The following UGT1A10 variants were observed in gnomAD, a reference collection of about 807,000 sequenced individuals.
The protein encoded by UGT1A10 is UDP-glucuronosyltransferase 1A10.
Under a neutral mutation model 45.8 loss-of-function variants are expected in UGT1A10, and 49 were observed. That is an observed-to-expected ratio of 1.07 (90% CI 0.85 to 1.36). The LOEUF is 1.36. UGT1A10 is among the 40% of genes most tolerant of loss of function. The pLI, the probability that UGT1A10 is intolerant of heterozygous loss-of-function variation, is 0.00. For missense variants in UGT1A10, 745 were observed against 668.6 expected (o/e 1.11, Z -1.26); for synonymous variants, 284 against 249.7 (o/e 1.14, Z -1.29).
intron 1 of UGT1A10, among the ~76,000 whole-genome samples, chr2:233,677,468 A>C (rs1197575187): frequency 6.6e-6 from 1 of 152,350 alleles, no homozygotes; most frequent in Admixed American, 6.5e-5. Flanking sequence ...TACCATAAAC[A>C]GTCAATTAAC....
Position 233,772,339 on chromosome 2 carries a change from G to C in UGT1A10, c.1373G>C (p.Trp458Ser), listed in dbSNP as rs1424603943. 4.3e-6 allele frequency: 7 copies of C among 1,614,256 alleles called. No individual in the cohort carries two copies. Among genetic ancestry groups the C allele is most frequent in the Non-Finnish European group, 5.9e-6 (7 of 1,180,038 alleles). ...GAGCCGCTGGACCTGGCCGTGTTCT[G>C]GGTGGAGTTTGTGATGAGGCACAAG... ...PVEPLDLAVF[W>S]VEFVMRHKGA... is the part of the protein sequence containing the mutation. The change falls in exon 5 of 5, where the codon TGG becomes TCG. Residue 458 changes from tryptophan to serine, a missense_variant. Transcript: ENST00000344644.
At chr2:233,692,066 G>T (rs1433912228) in intron 1 of UGT1A10, 2 of 152,176 alleles carry the variant, frequency 1.3e-5, no homozygotes, top group Admixed American at 6.5e-5. Context: ...AGGGAAGAAA[G>T]GAGAGAGAGA....
At chr2:233,727,938 C>T (rs2077667828) in intron 1 of UGT1A10, among the ~76,000 whole-genome samples, 1 of 152,196 alleles carries the variant, frequency 6.6e-6, no homozygotes. Flanking sequence ...AGTGCACACC[C>T]CAGACAGCCT....
rs1321809873 is a variant in UGT1A10 at position 233,772,307 on chromosome 2, C to T, written c.1341C>T (p.Arg447=). The change falls in exon 5 of 5, where the codon CGC becomes CGT. Residue 447 remains arginine (R), a synonymous_variant. Coordinates refer to ENST00000344644, the MANE Select transcript of UGT1A10 (RefSeq NM_019075.4). The stretch of plus-strand genomic sequence containing the variant: ...GCCTCTCCAGCCTTCACAAGGACCG[C>T]CCGGTGGAGCCGCTGGACCTGGCCG... ...IMRLSSLHKD[R]PVEPLDLAVF... 1 of 1,614,232 alleles carries T rather than the reference C, an allele frequency of 6.2e-7. No individual in the cohort carries two copies. The highest frequency in any genetic ancestry group is 8.5e-7 in the Non-Finnish European group (1 of 1,180,050).
chr2:233,670,513 C>T (rs540661169), intron 1 of UGT1A10, among the ~76,000 whole-genome samples: 13 of 152,286 alleles, frequency 8.5e-5, no homozygotes, highest in Middle Eastern at 3.4e-3. Flanking sequence ...TAATTGGAAG[C>T]CTTTGCCAAA....
chr2:233,651,536 A>G (rs953080166), intron 1 of UGT1A10, among the ~76,000 whole-genome samples: 11 of 152,178 alleles, frequency 7.2e-5, no homozygotes, highest in Admixed American at 7.2e-4. Context: ...AAAGGAAGGA[A>G]AATTCTCAAA....
At chr2:233,681,256 A>G (rs1187740641) in intron 1 of UGT1A10, among the ~76,000 whole-genome samples, 1 of 152,086 alleles carries the variant, frequency 6.6e-6, no homozygotes, top group Non-Finnish European at 1.5e-5. Context: ...AACTTTGGCC[A>G]GGTGTAGTGG....
intron 1 of UGT1A10, among the ~76,000 whole-genome samples, chr2:233,750,227 A>C (rs977533582): frequency 6.6e-6 from 1 of 151,900 alleles, no homozygotes; most frequent in Admixed American, 6.5e-5. Flanking sequence ...GAGATGAGGA[A>C]CTTATTGGGA....
At chr2:233,763,986 C>T (rs923828078) in intron 1 of UGT1A10, among the ~76,000 whole-genome samples, 3 of 152,116 alleles carry the variant, frequency 2.0e-5, no homozygotes, top group Non-Finnish European at 4.4e-5. Context: ...ACTGGGAATG[C>T]GTGATGGTGA....
At chr2:233,743,173 A>G (rs890417229) in intron 1 of UGT1A10, 7 of 365,612 alleles carry the variant, frequency 1.9e-5, no homozygotes, top group African/African-American at 1.5e-4. Flanking sequence ...GCTTAAAGTC[A>G]AATGTGGACT....
intron 1 of UGT1A10, among the ~76,000 whole-genome samples, chr2:233,761,716 C>T (rs1291431022): frequency 6.6e-6 from 1 of 152,198 alleles, no homozygotes; most frequent in Non-Finnish European, 1.5e-5. Flanking sequence ...CATTCTCAAG[C>T]TATTAGGTTT....
intron 1 of UGT1A10, among the ~76,000 whole-genome samples, chr2:233,684,047 C>T (rs1428470134): frequency 1.1e-4 from 17 of 152,174 alleles, no homozygotes; most frequent in Admixed American, 1.0e-3. Context: ...CCAGGTGAAA[C>T]ACCTGGTGTC....
chr2:233,656,942 C>A (rs954192982), intron 1 of UGT1A10, among the ~76,000 whole-genome samples: 14 of 150,914 alleles, frequency 9.3e-5, no homozygotes, highest in Admixed American at 2.6e-4. Context: ...TTTTCCTTTC[C>A]TGTGAGTCTT....
chr2:233,741,310 C>A (rs184999730), intron 1 of UGT1A10, among the ~76,000 whole-genome samples: 1 of 151,634 alleles, frequency 6.6e-6, no homozygotes, highest in Admixed American at 6.5e-5. Flanking sequence ...AGATACACAC[C>A]AACTCATTCT....
intron 1 of UGT1A10, among the ~76,000 whole-genome samples, chr2:233,657,193 C>T (rs1467316199): frequency 6.6e-6 from 1 of 152,236 alleles, no homozygotes; most frequent in African/African-American, 2.4e-5. Flanking sequence ...CATCATCTCA[C>T]CTTTCCTGGC....
At chr2:233,729,805 T>C (rs61740163) in intron 1 of UGT1A10, 2 of 1,611,876 alleles carry the variant, frequency 1.2e-6, no homozygotes, top group Non-Finnish European at 1.7e-6. Flanking sequence ...TTGCCATGCT[T>C]TTTCTGCTCC....
chr2:233,765,231 A>G (rs1698784494), intron 1 of UGT1A10, among the ~76,000 whole-genome samples: 1 of 152,148 alleles, frequency 6.6e-6, no homozygotes, highest in African/African-American at 2.4e-5. Context: ...ACATAAAACC[A>G]TAGACTCAGT....
rs114982090 is a variant in UGT1A10, at chr2:233,772,309, C to T, written c.1343C>T (p.Pro448Leu). The T allele has an allele frequency of 2.3e-4, 377 of 1,614,206 alleles. No individual in the cohort carries two copies. The East Asian group carries it at 3.1e-3, about 13-fold the overall frequency. ...MRLSSLHKDR[P>L]VEPLDLAVFW... Reference sequence around the variant, plus strand: ...CTCTCCAGCCTTCACAAGGACCGCCCGGTGGAGCCGCTGGACCTGGCCGTG... The same window carrying T: ...CTCTCCAGCCTTCACAAGGACCGCCTGGTGGAGCCGCTGGACCTGGCCGTG... The change falls in exon 5 of 5, where the codon CCG becomes CTG. Residue 448 changes from proline (P) to leucine (L), a missense_variant. Pro to Leu is a moderately conservative substitution (Grantham distance 98). Coordinates refer to ENST00000344644, the MANE Select transcript of UGT1A10 (RefSeq NM_019075.4).
intron 1 of UGT1A10, chr2:233,743,783 C>T (rs781656153): frequency 2.2e-6 from 3 of 1,367,380 alleles, no homozygotes; most frequent in Non-Finnish European, 2.9e-6. Context: ...CTGCTTGAAT[C>T]TCCTCTCCGC....
Sources: allele counts gnomAD v4.1 joint callset (sites outside exome capture counted in the v4.1 genomes callset), GRCh38; gene constraint gnomAD v4.1.1; transcripts MANE v1.5; gene names NCBI Gene and HGNC (gene_info 2026-07-23, HGNC 2026-07-21).